The following CMSS1 variants were observed in gnomAD, a reference collection of about 807,000 sequenced individuals.
The protein encoded by CMSS1 is cms1 ribosomal small subunit homolog.
CMSS1 carries 33 observed loss-of-function variants against 43.5 expected under a neutral mutation model. That is an observed-to-expected ratio of 0.76 (90% confidence interval 0.57 to 1.01). The LOEUF (loss-of-function observed/expected upper bound fraction) is 1.01, where lower values mean the gene tolerates loss of function less well. CMSS1 is among the 50% of genes least tolerant of loss of function. The pLI, the probability that CMSS1 is intolerant of heterozygous loss-of-function variation, is 0.00. For missense variants in CMSS1, 313 were observed against 326.4 expected (o/e 0.96, Z 0.32); for synonymous variants, 115 against 117.2 (o/e 0.98, Z 0.12).
intron 1 of CMSS1, among the ~76,000 whole-genome samples, chr3:99,933,154 C>T (rs1363650291): frequency 1.3e-5 from 2 of 152,208 alleles, no homozygotes; most frequent in Middle Eastern, 3.2e-3. Flanking sequence ...CAGGGACCCA[C>T]ACTCTTAAAA....
At chr3:99,994,538 T>C (rs916498585) in intron 1 of CMSS1, among the ~76,000 whole-genome samples, 1 of 152,104 alleles carries the variant, frequency 6.6e-6, no homozygotes, top group Non-Finnish European at 1.5e-5. Context: ...AAATATCTTC[T>C]CAGAACACAA....
intron 1 of CMSS1, among the ~76,000 whole-genome samples, chr3:100,126,664 G>T (rs1369109469): frequency 6.6e-6 from 1 of 152,030 alleles, no homozygotes; most frequent in Non-Finnish European, 1.5e-5. Flanking sequence ...AGAATAAGAT[G>T]ATCTATAGTT....
intron 1 of CMSS1, among the ~76,000 whole-genome samples, chr3:99,845,547 T>A (rs1404319153): frequency 6.6e-6 from 1 of 152,194 alleles, no homozygotes; most frequent in Non-Finnish European, 1.5e-5. Flanking sequence ...CTTTCCTTCC[T>A]GGTTTTTGGG....
intron 1 of CMSS1, among the ~76,000 whole-genome samples, chr3:100,109,734 C>T (rs1291872653): frequency 6.6e-6 from 1 of 151,944 alleles, no homozygotes; most frequent in Admixed American, 6.6e-5. Context: ...GGGGTTGTTT[C>T]CAGGTTTTGG....
At chr3:100,050,937 T>C (rs2107317420) in intron 1 of CMSS1, among the ~76,000 whole-genome samples, 1 of 152,304 alleles carries the variant, frequency 6.6e-6, no homozygotes, top group Middle Eastern at 3.4e-3. Context: ...CTTCAAGAAT[T>C]TGATCCAAAA....
intron 1 of CMSS1, among the ~76,000 whole-genome samples, chr3:100,059,368 G>A (rs2065520193): frequency 6.6e-6 from 1 of 152,172 alleles, no homozygotes; most frequent in Non-Finnish European, 1.5e-5. Context: ...TCACACCTGT[G>A]TCCTTGTCCG....
intron 1 of CMSS1, among the ~76,000 whole-genome samples, chr3:99,983,446 G>A (rs10936018): frequency 5.1e-4 from 45 of 87,728 alleles, no homozygotes; most frequent in African/African-American, 7.1e-4. Context: ...ATATATGTAT[G>A]TATATATATA....
chr3:100,022,317 G>T (rs1190249324), intron 1 of CMSS1, among the ~76,000 whole-genome samples: 1 of 152,170 alleles, frequency 6.6e-6, no homozygotes, highest in African/African-American at 2.4e-5. Context: ...TTGAGCCAGT[G>T]CCATGTCCAA....
chr3:100,148,512 T>C (rs2066873862), intron 2 of CMSS1, among the ~76,000 whole-genome samples: 1 of 152,182 alleles, frequency 6.6e-6, no homozygotes, highest in Admixed American at 6.5e-5. Context: ...CTACCCAAAG[T>C]TTGTGACCCA....
At chr3:99,840,221 C>CTTTTTTT (rs10935982) in intron 1 of CMSS1, among the ~76,000 whole-genome samples, 1 of 102,142 alleles carries the variant, frequency 9.8e-6, no homozygotes, top group African/African-American at 3.8e-5. Context: ...TTCGTAGAAT[C>CTTTTTTT]TTTTTTTTTT....
intron 1 of CMSS1, among the ~76,000 whole-genome samples, chr3:99,914,885 A>G (rs1164254836): frequency 6.6e-6 from 1 of 152,218 alleles, no homozygotes; most frequent in Non-Finnish European, 1.5e-5. Flanking sequence ...ATCTACTTTC[A>G]TTGTGATGTA....
intron 1 of CMSS1, among the ~76,000 whole-genome samples, chr3:99,844,760 C>T (rs1210995967): frequency 2.0e-5 from 3 of 152,138 alleles, no homozygotes; most frequent in South Asian, 2.1e-4. Flanking sequence ...CCGTTTGGAT[C>T]GTGGGGTGGT....
At chr3:99,876,621 G>A (rs1406177591) in intron 1 of CMSS1, among the ~76,000 whole-genome samples, 7 of 152,258 alleles carry the variant, frequency 4.6e-5, no homozygotes, top group Admixed American at 4.6e-4. Context: ...GGGTTTTGTG[G>A]AGACATCTCT....
At position 100,139,642 on chromosome 3, in the gene CMSS1, C is replaced by A. The variant is rs981917621; in HGVS notation, c.65-7331C>A. Among the ~76,000 whole-genome samples the A allele has an allele frequency of 9.9e-4, 144 of 145,566 alleles. 1 individual carries two copies. The highest frequency in any genetic ancestry group is 3.0e-4 in the Non-Finnish European group (20 of 66,586). On this transcript the variant is annotated intron_variant, in intron 1 of 9. Coordinates refer to ENST00000421999, the MANE Select transcript of CMSS1 (RefSeq NM_032359.4). ...ATATATATATATATACACACACACA[C>A]AAAAATTAGCTGGGCATGGTGGTGG...
rs545016919 is a variant in CMSS1 at position 99,948,181 on chromosome 3, A to G, written c.64+130138A>G. Among the ~76,000 whole-genome samples the G allele has an allele frequency of 3.9e-5, 6 of 152,298 alleles. No homozygotes were observed. In the South Asian group the frequency reaches 1.2e-3, roughly 32 times the overall value. On this transcript the variant is annotated intron_variant, in intron 1 of 9. Coordinates refer to ENST00000421999, the MANE Select transcript of CMSS1 (RefSeq NM_032359.4). ...GTTACCAAACAGTATACCAAAAACTAAAACATTGCATGGTATAGGACATGG... is the reference window on the plus strand; with the variant it reads ...GTTACCAAACAGTATACCAAAAACTGAAACATTGCATGGTATAGGACATGG...
At chr3:100,009,798 G>T (rs960393247) in intron 1 of CMSS1, among the ~76,000 whole-genome samples, 4 of 152,242 alleles carry the variant, frequency 2.6e-5, no homozygotes, top group Non-Finnish European at 5.9e-5. Context: ...TTGAGAAAGA[G>T]AGTGCAATGT....
chr3:100,162,595 C>G (rs988891552), intron 4 of CMSS1, among the ~76,000 whole-genome samples, 163 bp downstream of exon 4: 1 of 152,020 alleles, frequency 6.6e-6, no homozygotes, highest in Admixed American at 6.6e-5. Context: ...ATCGCTTGAG[C>G]CCAGGTGTTT....
intron 1 of CMSS1, among the ~76,000 whole-genome samples, chr3:99,836,843 TCTGA>T (rs1942920100): frequency 1.3e-5 from 2 of 152,230 alleles, no homozygotes; most frequent in African/African-American, 4.8e-5. Context: ...AGCCATTGTG[TCTGA>T]ACCAATCAGA....
chr3:99,880,868 G>T (rs1705702210), intron 1 of CMSS1, among the ~76,000 whole-genome samples: 1 of 151,988 alleles, frequency 6.6e-6, no homozygotes, highest in Admixed American at 6.6e-5. Flanking sequence ...AGTGTGGATG[G>T]ACCCTGTATG....
Sources: allele counts gnomAD v4.1 joint callset (sites outside exome capture counted in the v4.1 genomes callset), GRCh38; gene constraint gnomAD v4.1.1; transcripts MANE v1.5; gene names NCBI Gene and HGNC (gene_info 2026-07-23, HGNC 2026-07-21).